The following NEK6 variants were observed in gnomAD, a reference collection of about 807,000 sequenced individuals.
NEK6 encodes NIMA related kinase 6.
NEK6 carries 27 observed loss-of-function variants against 43.5 expected under a neutral mutation model. The observed-to-expected ratio is 0.62, with a 90% CI of 0.46 to 0.86. NEK6 has a LOEUF of 0.86. NEK6 is among the 40% of genes least tolerant of loss of function. The pLI is 0.00. For synonymous variants in NEK6, 167 were observed against 164.1 expected (o/e 1.02, Z -0.14); for missense variants, 318 against 414.4 (o/e 0.77, Z 2.02).
At chr9:124,268,122 C>T (rs945183742) in intron 1 of NEK6, among the ~76,000 whole-genome samples, 3 of 152,160 alleles carry the variant, frequency 2.0e-5, no homozygotes, top group Admixed American at 2.0e-4. Context: ...CTGTGATGTG[C>T]TAATGTTAGC....
At chr9:124,278,639 G>T (rs894769508) in intron 1 of NEK6, among the ~76,000 whole-genome samples, 1 of 152,236 alleles carries the variant, frequency 6.6e-6, no homozygotes, top group African/African-American at 2.4e-5. Context: ...TTGGGATGCG[G>T]TCAGAATATT....
intron 7 of NEK6, among the ~76,000 whole-genome samples, chr9:124,330,882 A>G (rs565808137): frequency 6.6e-6 from 1 of 152,270 alleles, no homozygotes; most frequent in African/African-American, 2.4e-5. Context: ...CCCCTCCCAG[A>G]GCCGCCCTCA....
chr9:124,306,480 T>TG (rs1170299303), intron 2 of NEK6, among the ~76,000 whole-genome samples: 1 of 152,110 alleles, frequency 6.6e-6, no homozygotes, highest in Non-Finnish European at 1.5e-5. Flanking sequence ...GAGCCAGTAA[T>TG]GGTGGTGTTT....
chr9:124,283,397 G>A (rs1203608440), intron 1 of NEK6, among the ~76,000 whole-genome samples: 5 of 152,246 alleles, frequency 3.3e-5, no homozygotes, highest in African/African-American at 4.8e-5. Context: ...TAGCTGAGAC[G>A]ACCGGGCAGG....
At chr9:124,276,951 G>A (rs1287393436) in intron 1 of NEK6, among the ~76,000 whole-genome samples, 1 of 152,180 alleles carries the variant, frequency 6.6e-6, no homozygotes, top group African/African-American at 2.4e-5. Context: ...AGCTCAGGAG[G>A]GATGGCAACC....
intron 1 of NEK6, among the ~76,000 whole-genome samples, chr9:124,298,915 C>T (rs1832826416): frequency 6.6e-6 from 1 of 152,214 alleles, no homozygotes; most frequent in South Asian, 2.1e-4. Context: ...TATTCCCGGT[C>T]CCCCTTGCAC....
At chr9:124,328,055 T>C (rs1828757067) in intron 7 of NEK6, among the ~76,000 whole-genome samples, 1 of 152,028 alleles carries the variant, frequency 6.6e-6, no homozygotes, top group South Asian at 2.1e-4. Flanking sequence ...GGCCTTGAAC[T>C]CTGAGCTCAG....
intron 5 of NEK6, among the ~76,000 whole-genome samples, chr9:124,325,436 G>T (rs1327233855): frequency 6.6e-6 from 1 of 152,250 alleles, no homozygotes; most frequent in Non-Finnish European, 1.5e-5. Flanking sequence ...CACCAGAGCA[G>T]CTGCCCTGAC....
chr9:124,301,433 G>T (rs539035934), intron 1 of NEK6, among the ~76,000 whole-genome samples: 1 of 152,174 alleles, frequency 6.6e-6, no homozygotes, highest in Non-Finnish European at 1.5e-5. Context: ...CGTGTGGTGC[G>T]CCAGGGCCCA....
In NEK6 at chr9:124,328,276, C is replaced by T. The variant is rs570840228; in HGVS notation, c.622+831C>T. Among the ~76,000 whole-genome samples, 4 of 152,272 alleles carry T rather than the reference C, an allele frequency of 2.6e-5. No individual in the cohort carries two copies. In the East Asian group the frequency reaches 5.8e-4, roughly 22 times the overall value. ...AGGAACCAAGAAAGCCCCCGCTTCC[C>T]CACCAGTGGAACACAGGAGCAGGGT... On this transcript the variant is annotated intron_variant, in intron 7 of 9. Transcript: ENST00000320246.
chr9:124,300,691 C>T lies in NEK6; in HGVS notation c.-29-1245C>T, dbSNP rs921099192. Among the ~76,000 whole-genome samples the T allele has an allele frequency of 2.0e-5, 3 of 152,152 alleles. No homozygotes were observed. In the East Asian group the frequency reaches 5.8e-4, roughly 29 times the overall value. On this transcript the variant is annotated intron_variant, in intron 1 of 9. Transcript: ENST00000320246. The stretch of plus-strand genomic sequence containing the variant: ...TCCTTCTCAGACAAAACCCGCTGAC[C>T]GCGCCGGGGGCTCTAGGATACGAGT...
rs539664097 is a variant in NEK6, at chr9:124,312,193, C to T, written c.91-316C>T. On this transcript the variant is annotated intron_variant, in intron 2 of 9. Coordinates refer to ENST00000320246, the MANE Select transcript of NEK6 (RefSeq NM_014397.6). ...GAGACGGGCAACGCCCGTGGTCCCACGGAGCTAGCCCCCAGGGATGGGACT... is the reference window on the plus strand; with the variant it reads ...GAGACGGGCAACGCCCGTGGTCCCATGGAGCTAGCCCCCAGGGATGGGACT... Among the ~76,000 whole-genome samples the T allele has an allele frequency of 2.3e-3, 352 of 152,344 alleles. 1 individual carries two copies. The highest frequency in any genetic ancestry group is 8.2e-3 in the African/African-American group (343 of 41,582).
At position 124,343,770 on chromosome 9, in the gene NEK6, C is replaced by G. The variant is rs766685561; in HGVS notation, c.718-3939C>G. 6.6e-5 allele frequency among the ~76,000 whole-genome samples: 10 copies of G among 152,166 alleles called. No homozygotes were observed. The highest frequency in any genetic ancestry group is 1.2e-4 in the Non-Finnish European group (8 of 68,022). ...CTGAGGATCCTGCACAGGGCACATA[C>G]CCAGGTCACCTGGGCCCTGGTGACA... On this transcript the variant is annotated intron_variant, in intron 8 of 9. Transcript: ENST00000320246. This position sits in a 1 kb window ranked among gnomAD's most constrained non-coding sequence, Gnocchi z 5.1.
rs1409086630 is a variant in NEK6, at chr9:124,312,542, C to G, written c.124C>G (p.Leu42Val). The stretch of plus-strand genomic sequence containing the variant: ...CAACACGCTGTCTTTTCGCTGCTCG[C>G]TGGCGGACTTCCAGATCGAAAAGAA... ...HPNTLSFRCS[L>V]ADFQIEKKIG... The change falls in exon 3 of 10, where the codon CTG becomes GTG. Residue 42 changes from leucine (L) to valine (V), a missense_variant. Around this residue, in one of 2 missense-constraint regions of NEK6, gnomAD observed 239 missense variants for 344.4 expected, o/e 0.69. Coordinates refer to ENST00000320246, the MANE Select transcript of NEK6 (RefSeq NM_014397.6). 1 of 1,614,060 alleles carries G rather than the reference C, an allele frequency of 6.2e-7. No homozygotes were observed. Among genetic ancestry groups the G allele is most frequent in the East Asian group, 2.2e-5 (1 of 44,890 alleles).
intron 1 of NEK6, among the ~76,000 whole-genome samples, chr9:124,263,246 G>A (rs879835083): frequency 1.3e-5 from 2 of 152,162 alleles, no homozygotes; most frequent in Non-Finnish European, 2.9e-5. Flanking sequence ...ACGAGCACTG[G>A]GTTTATTTAT....
At position 124,324,414 on chromosome 9, in the gene NEK6, T is replaced by C. The variant is rs951295670; in HGVS notation, c.406-1916T>C. Among the ~76,000 whole-genome samples, 3 of 152,190 alleles carry C rather than the reference T, an allele frequency of 2.0e-5. No individual in the cohort carries two copies. Among genetic ancestry groups the C allele is most frequent in the African/African-American group, 7.2e-5 (3 of 41,442 alleles). ...CTGAGCTGCGCCATCACAGCCATGGTGCCCGAGTTATTTACGAGGAAGAGT... is the reference window on the plus strand; with the variant it reads ...CTGAGCTGCGCCATCACAGCCATGGCGCCCGAGTTATTTACGAGGAAGAGT... On this transcript the variant is annotated intron_variant, in intron 5 of 9. Transcript: ENST00000320246. This position sits in a 1 kb window ranked among gnomAD's most constrained non-coding sequence, Gnocchi z 5.3.
At chr9:124,267,981 G>C (rs1831290001) in intron 1 of NEK6, among the ~76,000 whole-genome samples, 1 of 152,236 alleles carries the variant, frequency 6.6e-6, no homozygotes. Flanking sequence ...GAAGTATTTA[G>C]TGCCATTCAG....
intron 9 of NEK6, among the ~76,000 whole-genome samples, chr9:124,350,010 G>A (rs568867963): frequency 3.3e-5 from 5 of 152,312 alleles, no homozygotes; most frequent in South Asian, 4.1e-4. Flanking sequence ...AGTAGCCCCC[G>A]GGCCTCCAGA....
At chr9:124,312,121 C>T (rs112297353) in intron 2 of NEK6, among the ~76,000 whole-genome samples, 84 of 152,342 alleles carry the variant, frequency 5.5e-4, no homozygotes, top group African/African-American at 1.9e-3. Context: ...TGAGCTGCAC[C>T]CGGCTTACCG....
Sources: gnomAD v4.1 joint callset for allele counts (sites outside exome capture counted in the v4.1 genomes callset) on GRCh38, gnomAD v4.1.1 for gene constraint, gnomAD v4.1.1 regional missense constraint, Gnocchi (gnomAD v3.1) non-coding constraint, MANE v1.5 for transcripts, NCBI Gene and HGNC (gene_info 2026-07-23, HGNC 2026-07-21) for gene names.